NPLOC4: variants seen among roughly 807,000 people sequenced by gnomAD.
The protein encoded by NPLOC4 is NPL4 homolog, ubiquitin recognition factor, also known as nuclear protein localization protein 4 homolog.
NPLOC4 carries 18 observed loss-of-function variants against 80.6 expected under a neutral mutation model. That is an observed-to-expected ratio of 0.22 (90% CI 0.15 to 0.33). The LOEUF (loss-of-function observed/expected upper bound fraction) is 0.33. NPLOC4 is among the 10% of genes least tolerant of loss of function. The probability of loss-of-function intolerance (pLI) is 1.00; values close to 1 mark genes in which losing one functional copy is unlikely to be tolerated. For synonymous variants in NPLOC4, 313 were observed against 301.5 expected, an observed-to-expected ratio of 1.04 and a Z score of -0.39; for missense variants, 540 against 786.1, an observed-to-expected ratio of 0.69 and a Z score of 3.74.
intron 1 of NPLOC4, among the ~76,000 whole-genome samples, chr17:81,633,205 C>A (rs114809458): frequency 0.018 from 2,712 of 151,706 alleles, 88 homozygotes; most frequent in African/African-American, 0.062. Flanking sequence ...AGATTCAATA[C>A]CCCAGAAAAA....
intron 11 of NPLOC4, among the ~76,000 whole-genome samples, chr17:81,589,947 A>C (rs2034693133): frequency 1.3e-5 from 2 of 152,014 alleles, no homozygotes; most frequent in South Asian, 4.1e-4. Context: ...TCATAATAAC[A>C]CCAGGGGTGT....
chr17:81,582,918 G>A lies in NPLOC4; in HGVS notation c.1281+6026C>T, dbSNP rs143779780. 6.8e-3 allele frequency among the ~76,000 whole-genome samples: 1,041 copies of A among 152,322 alleles called. 44 individuals are homozygous for A. Among genetic ancestry groups the A allele is most frequent in the Admixed American group, 0.062 (942 of 15,288 alleles). Reference sequence around the variant, plus strand: ...GGCAGTGAGCCACAGCCAGCCTCCCGATTCGAAGAAACACACAAAAACCCA... The same window carrying A: ...GGCAGTGAGCCACAGCCAGCCTCCCAATTCGAAGAAACACACAAAAACCCA... On this transcript the variant is annotated intron_variant, in intron 12 of 16. Coordinates refer to ENST00000331134, the MANE Select transcript of NPLOC4 (RefSeq NM_017921.4).
chr17:81,586,607 C>CAAAA (rs199678879), intron 12 of NPLOC4, among the ~76,000 whole-genome samples: 70 of 126,014 alleles, frequency 5.6e-4, no homozygotes, highest in South Asian at 1.9e-3. Context: ...AAAACTGTCT[C>CAAAA]AAAAAAAAAA....
intron 13 of NPLOC4, among the ~76,000 whole-genome samples, chr17:81,571,552 C>T (rs757205900): frequency 6.6e-5 from 10 of 152,208 alleles, no homozygotes; most frequent in Non-Finnish European, 1.2e-4. Flanking sequence ...GACCCAGACA[C>T]ACTGTGGGCT....
rs547053746 is a variant in NPLOC4, at chr17:81,571,732, C to T, written c.1353+285G>A. On this transcript the variant is annotated intron_variant, in intron 13 of 16. Transcript: ENST00000331134. ...GGCTGCCTAGCCTGGGGTCAGTGGT[C>T]CTTTGTACTTTAGTATGGGGACAGT... is the stretch of plus-strand genomic sequence containing the variant. 8.5e-5 allele frequency among the ~76,000 whole-genome samples: 13 copies of T among 152,316 alleles called. No individual in the cohort carries two copies. In the South Asian group the frequency reaches 2.7e-3, roughly 32 times the overall value.
At chr17:81,579,994 C>T (rs1014526380) in intron 12 of NPLOC4, among the ~76,000 whole-genome samples, 2 of 152,124 alleles carry the variant, frequency 1.3e-5, no homozygotes, top group Admixed American at 6.5e-5. Context: ...CTGCTGAAGG[C>T]AAAGCCTCCT....
chr17:81,567,392 G>A lies in NPLOC4; in HGVS notation c.1566+25C>T. On this transcript the variant is annotated intron_variant, in intron 15 of 16. Coordinates refer to ENST00000331134, the MANE Select transcript of NPLOC4 (RefSeq NM_017921.4). The surrounding 1 kb of genome is among the most constrained non-coding windows in gnomAD (Gnocchi z 4.5). ...TTGCAGCCAAAGCCCACTTGCTCAA[G>A]TGGACACCACACTTGGACACGCACC... The A allele has an allele frequency of 1.4e-6, 2 of 1,448,482 alleles. No homozygotes were observed. The highest frequency in any genetic ancestry group is 1.2e-5 in the South Asian group (1 of 86,188). 89.7% of individuals were successfully genotyped at this position (1,448,482 alleles called of 1,614,324 possible).
intron 13 of NPLOC4, among the ~76,000 whole-genome samples, chr17:81,570,153 C>T (rs1466811453): frequency 6.6e-6 from 1 of 152,256 alleles, no homozygotes; most frequent in Non-Finnish European, 1.5e-5. Context: ...AGCAGCATCT[C>T]TGGCCTGAGC....
chr17:81,635,567 T>C (rs1390752961), intron 1 of NPLOC4, among the ~76,000 whole-genome samples: 3 of 152,100 alleles, frequency 2.0e-5, no homozygotes, highest in African/African-American at 4.8e-5. Context: ...TCTCATTCTG[T>C]CGCCCAGGGT....
intron 11 of NPLOC4, among the ~76,000 whole-genome samples, chr17:81,594,592 G>A (rs1278090331): frequency 6.6e-6 from 1 of 151,858 alleles, no homozygotes; most frequent in Non-Finnish European, 1.5e-5. Flanking sequence ...TGGCTAGCAT[G>A]GTGAAACCCC....
At chr17:81,559,463 G>C (rs1345288157) in intron 16 of NPLOC4, 47 bp from the exon 17 acceptor site, 1 of 1,552,864 alleles carries the variant, frequency 6.4e-7, no homozygotes, top group African/African-American at 1.4e-5. Flanking sequence ...TGGCCCACCA[G>C]AGACTGCCAG....
intron 6 of NPLOC4, among the ~76,000 whole-genome samples, chr17:81,607,873 G>A (rs1050034437): frequency 1.3e-5 from 2 of 152,150 alleles, no homozygotes; most frequent in Non-Finnish European, 2.9e-5. Flanking sequence ...ACAATCAGGC[G>A]AATATGACAT....
In NPLOC4 at chr17:81,565,261, T is replaced by C. The variant is rs146870379; in HGVS notation, c.1669+244A>G. ...GATTAGTATCTCTGATGTACAGGTT[T>C]ATAAAATTTACAGGGCTGTGTACCT... On this transcript the variant is annotated intron_variant, in intron 16 of 16. Transcript: ENST00000331134. 132 of 684,808 alleles carry C rather than the reference T, an allele frequency of 1.9e-4. No individual in the cohort carries two copies. The East Asian group carries it at 3.0e-3, about 15-fold the overall frequency. 42.4% of individuals were successfully genotyped at this position (684,808 alleles called of 1,614,324 possible).
In NPLOC4 at chr17:81,637,007, G is replaced by A. The variant is rs1268491666; in HGVS notation, c.-77C>T. On this transcript the variant is annotated 5_prime_UTR_variant, in exon 1 of 17. Coordinates refer to ENST00000331134, the MANE Select transcript of NPLOC4 (RefSeq NM_017921.4). Reference sequence around the variant, plus strand: ...CCCCAAGGGCCTCGCAGACCCGGCCGCGGCCTCAGCCCCGGCCCCGGCCTC... The same window carrying A: ...CCCCAAGGGCCTCGCAGACCCGGCCACGGCCTCAGCCCCGGCCCCGGCCTC... The A allele has an allele frequency of 8.1e-6, 8 of 991,664 alleles. No homozygotes were observed. The highest frequency in any genetic ancestry group is 7.5e-5 in the East Asian group (2 of 26,632). The allele number at this position is 991,664 out of a possible 1,614,324, so 61.4% of individuals were successfully genotyped here. A position where few individuals can be genotyped will look rare whatever the true frequency, so the allele number is the denominator to read the frequency against.
chr17:81,581,565 C>A (rs1319871691), intron 12 of NPLOC4, among the ~76,000 whole-genome samples: 4 of 152,114 alleles, frequency 2.6e-5, no homozygotes, highest in Non-Finnish European at 5.9e-5. Context: ...CTGGCTCCAG[C>A]CAGAGGGGCA....
Position 81,572,299 on chromosome 17 carries a change from C to T in NPLOC4, c.1282-211G>A, listed in dbSNP as rs1267039071. ...CGCCTCCCAGGTTCACACCATTCTC[C>T]TGCCTCAGCCTCCCAAGTAGCTGGG... On this transcript the variant is annotated intron_variant, in intron 12 of 16. Coordinates refer to ENST00000331134, the MANE Select transcript of NPLOC4 (RefSeq NM_017921.4). The surrounding 1 kb of genome is among the most constrained non-coding windows in gnomAD (Gnocchi z 4.5). Among the ~76,000 whole-genome samples, 1 of 152,024 alleles carries T rather than the reference C, an allele frequency of 6.6e-6. No individual in the cohort carries two copies. The highest frequency in any genetic ancestry group is 1.5e-5 in the Non-Finnish European group (1 of 68,024).
At chr17:81,600,246 C>T in intron 9 of NPLOC4, 95 bp downstream of exon 9, 2 of 832,684 alleles carry the variant, frequency 2.4e-6, no homozygotes, top group South Asian at 2.9e-5. Flanking sequence ...GAGCCAGTAC[C>T]CGACACAGCC....
intron 16 of NPLOC4, 26 bp from the exon 17 acceptor site, chr17:81,559,442 C>T (rs1176638856): frequency 1.9e-6 from 3 of 1,591,104 alleles, no homozygotes; most frequent in South Asian, 1.1e-5. Flanking sequence ...GAAATGAGCA[C>T]TCATCATTTC....
intron 12 of NPLOC4, among the ~76,000 whole-genome samples, chr17:81,573,246 T>C (rs913317511): frequency 7.2e-5 from 11 of 152,172 alleles, no homozygotes; most frequent in African/African-American, 2.2e-4. Flanking sequence ...TACATAAAAG[T>C]TTACGTTTAT....
Sources: gnomAD v4.1 joint callset for allele counts (sites outside exome capture counted in the v4.1 genomes callset) on GRCh38, gnomAD v4.1.1 for gene constraint, Gnocchi (gnomAD v3.1) non-coding constraint, MANE v1.5 for transcripts, NCBI Gene and HGNC (gene_info 2026-07-23, HGNC 2026-07-21) for gene names.